TES: variants seen among roughly 807,000 people sequenced by gnomAD.
The protein encoded by TES is testin LIM domain protein, also known as testin.
In TES, 41 loss-of-function variants were observed where a neutral mutation model predicts 48.2. The ratio of observed to expected loss-of-function variants is 0.85; its 90% CI spans 0.66 to 1.10. The LOEUF is 1.10. Ranked by LOEUF, TES falls within the 50% of genes least tolerant of loss-of-function variation. The pLI, the probability that TES is intolerant of heterozygous loss-of-function variation, is 0.00. For missense variants in TES, 463 were observed against 515.1 expected, an observed-to-expected ratio of 0.90 and a Z score of 0.98; for synonymous variants, 162 against 174.9, an observed-to-expected ratio of 0.93 and a Z score of 0.58.
intron 3 of TES, 29 bp from the exon 4 acceptor site, chr7:116,250,132 C>T (rs534431781): frequency 2.7e-6 from 4 of 1,487,538 alleles, no homozygotes; most frequent in South Asian, 2.9e-5. Flanking sequence ...TGGCCAATCC[C>T]AGTTAACATT....
chr7:116,222,018 G>A (rs866597604), intron 1 of TES, among the ~76,000 whole-genome samples: 2 of 151,978 alleles, frequency 1.3e-5, no homozygotes, highest in Admixed American at 6.6e-5. Flanking sequence ...TTAAAACATG[G>A]GTCAAAAATT....
Position 116,210,570 on chromosome 7 carries a change from G to T in TES, c.-138G>T, listed in dbSNP as rs915432171. 2 of 993,882 alleles carry T rather than the reference G, an allele frequency of 2.0e-6. No individual in the cohort carries two copies. Among genetic ancestry groups the T allele is most frequent in the South Asian group, 4.3e-5 (1 of 23,508 alleles). The allele number at this position is 993,882 out of a possible 1,614,324, so 61.6% of individuals were successfully genotyped here. On this transcript the variant is annotated 5_prime_UTR_variant, in exon 1 of 7. Transcript: ENST00000358204. ...GCGGACTGGGCGGCGGAAGTTCGAC[G>T]GCGCCGGGCGAGTGGCTGTTGAGCG...
chr7:116,252,425 G>A lies in TES; in HGVS notation c.1026G>A (p.Met342Ile), dbSNP rs770062836. ...TTCTAGCTGGGGAGATATACGTGAT[G>A]GTCAATGACAAGCCCGTGTGCAAGC... ...DSILAGEIYV[M>I]VNDKPVCKPC... Residue 342 changes from methionine to isoleucine, a missense_variant, in exon 6 of 7, where the codon ATG (methionine) becomes ATA (isoleucine). Transcript: ENST00000358204. The A allele has an allele frequency of 2.5e-6, 4 of 1,614,164 alleles. No homozygotes were observed. Among genetic ancestry groups the A allele is most frequent in the Non-Finnish European group, 3.4e-6 (4 of 1,180,024 alleles).
At chr7:116,217,623 G>A (rs1431136178) in intron 1 of TES, 3 of 269,496 alleles carry the variant, frequency 1.1e-5, no homozygotes, top group Non-Finnish European at 7.4e-6. Flanking sequence ...AGGAAGATAA[G>A]GAAACAAAAG....
intron 2 of TES, among the ~76,000 whole-genome samples, chr7:116,247,396 T>C (rs563869557): frequency 3.3e-5 from 5 of 152,334 alleles, no homozygotes; most frequent in South Asian, 4.1e-4. Flanking sequence ...TTTGTGGTTT[T>C]ATTTAATTCA....
intron 6 of TES, 147 bp downstream of exon 6, chr7:116,252,623 A>G: frequency 8.7e-7 from 1 of 1,154,120 alleles, no homozygotes; most frequent in East Asian, 2.4e-5. Flanking sequence ...GTTAAAATCA[A>G]GGCAATTCAA....
chr7:116,216,259 A>C (rs558505989), intron 1 of TES, among the ~76,000 whole-genome samples: 1 of 152,292 alleles, frequency 6.6e-6, no homozygotes, highest in South Asian at 2.1e-4. Flanking sequence ...TAGTGTGTTT[A>C]GAAATTAGGA....
At chr7:116,213,815 C>A (rs1418315377) in intron 1 of TES, among the ~76,000 whole-genome samples, 3 of 152,062 alleles carry the variant, frequency 2.0e-5, no homozygotes, top group Non-Finnish European at 4.4e-5. Context: ...TTTTTTAAGT[C>A]TCATCTTAAT....
intron 2 of TES, among the ~76,000 whole-genome samples, chr7:116,237,524 T>C (rs147914637): frequency 6.6e-6 from 1 of 152,022 alleles, no homozygotes; most frequent in African/African-American, 2.4e-5. Flanking sequence ...ATACATACTA[T>C]TCCCTGAAAT....
chr7:116,258,561 A>T lies in TES; in HGVS notation c.*1079A>T, dbSNP rs1386608607. The stretch of plus-strand genomic sequence containing the variant: ...ACTTGCCTGCCATGATTTAGATAAG[A>T]TTTTTTTTGCATGGTTTTTATTCTT... On this transcript the variant is annotated 3_prime_UTR_variant, in exon 7 of 7. Coordinates refer to ENST00000358204, the MANE Select transcript of TES (RefSeq NM_015641.4). 6.6e-6 allele frequency: 1 copy of T among 152,150 alleles called. No individual in the cohort carries two copies. The highest frequency in any genetic ancestry group is 2.4e-5 in the African/African-American group (1 of 41,262). The allele number at this position is 152,150 out of a possible 1,614,324, so 9.4% of individuals were successfully genotyped here.
intron 2 of TES, among the ~76,000 whole-genome samples, chr7:116,236,884 G>T (rs1209883460): frequency 1.3e-5 from 2 of 152,154 alleles, no homozygotes; most frequent in Non-Finnish European, 2.9e-5. Flanking sequence ...CTAGGACTTT[G>T]CATATGGCCT....
chr7:116,253,932 G>A (rs1477672551), intron 6 of TES, among the ~76,000 whole-genome samples: 3 of 151,940 alleles, frequency 2.0e-5, no homozygotes, highest in Admixed American at 6.6e-5. Context: ...GGAGGGTAGA[G>A]CTTGCCTTAT....
At chr7:116,224,677 C>G (rs529603837) in intron 1 of TES, among the ~76,000 whole-genome samples, 2 of 152,200 alleles carry the variant, frequency 1.3e-5, no homozygotes, top group African/African-American at 4.8e-5. Flanking sequence ...CGGGGACTTC[C>G]ATGTTAGTGT....
chr7:116,241,244 G>A (rs538707925), intron 2 of TES, among the ~76,000 whole-genome samples: 1 of 152,262 alleles, frequency 6.6e-6, no homozygotes, highest in African/African-American at 2.4e-5. Flanking sequence ...AAATGTTTTA[G>A]TTTAAATGTG....
rs1160535263 is a variant in TES, at chr7:116,218,825, CAA to C, written c.27+8095_27+8096del. On this transcript the variant is annotated intron_variant, in intron 1 of 6. Coordinates refer to ENST00000358204, the MANE Select transcript of TES (RefSeq NM_015641.4). ...CTGGGATGAGGAACCTTTTTATAAA[CAA>C]AAATTAATCATTGGTTGATATTTTT... Among the ~76,000 whole-genome samples the C allele has an allele frequency of 7.9e-5, 12 of 151,946 alleles. No homozygotes were observed. The East Asian group carries it at 2.1e-3, about 27-fold the overall frequency.
chr7:116,210,980 C>T (rs1012141434), intron 1 of TES: 2 of 329,622 alleles, frequency 6.1e-6, no homozygotes, highest in South Asian at 1.6e-4. Flanking sequence ...GCGCGGGACT[C>T]TTCTCTCCAG....
At chr7:116,216,398 A>C (rs1230807342) in intron 1 of TES, among the ~76,000 whole-genome samples, 1 of 152,124 alleles carries the variant, frequency 6.6e-6, no homozygotes, top group Non-Finnish European at 1.5e-5. Flanking sequence ...GAGAGTTGGT[A>C]GATCCGAGTC....
At chr7:116,215,790 C>A (rs546922690) in intron 1 of TES, among the ~76,000 whole-genome samples, 7 of 152,270 alleles carry the variant, frequency 4.6e-5, no homozygotes, top group African/African-American at 1.7e-4. Context: ...TTACACATAG[C>A]ATGAGTAGGC....
At chr7:116,234,810 G>A (rs1799746097) in intron 2 of TES, among the ~76,000 whole-genome samples, 191 bp downstream of exon 2, 1 of 152,186 alleles carries the variant, frequency 6.6e-6, no homozygotes, top group Admixed American at 6.5e-5. Context: ...TAGTGAATTG[G>A]ACCATAATAA....
Sources: gnomAD v4.1 joint callset for allele counts (sites outside exome capture counted in the v4.1 genomes callset) on GRCh38, gnomAD v4.1.1 for gene constraint, MANE v1.5 for transcripts, NCBI Gene and HGNC (gene_info 2026-07-23, HGNC 2026-07-21) for gene names.